Variants in NSD1 observed in about 807,000 individuals in gnomAD.
NSD1 encodes nuclear receptor binding SET domain protein 1, also known as histone-lysine N-methyltransferase, H3 lysine-36 specific.
Under a neutral mutation model 242.7 loss-of-function variants are expected in NSD1, and 26 were observed. The observed-to-expected ratio is 0.11, with a 90% confidence interval of 0.08 to 0.15. The LOEUF (loss-of-function observed/expected upper bound fraction) is 0.15, where lower values mean the gene tolerates loss of function less well. Among genes scored for constraint, NSD1 ranks in the 10% least tolerant of loss-of-function variants. The pLI is 1.00. For missense variants in NSD1, 2,495 were observed against 3,272.8 expected (o/e 0.76, Z 5.80); for synonymous variants, 1,106 against 1,178.1 (o/e 0.94, Z 1.25).
intron 2 of NSD1, among the ~76,000 whole-genome samples, chr5:177,163,357 G>A (rs1014848671): frequency 1.3e-5 from 2 of 151,828 alleles, no homozygotes; most frequent in East Asian, 3.9e-4. Context: ...TGGCCAGGCT[G>A]GTCTTGAACT....
At chr5:177,231,476 A>G (rs138691994) in intron 5 of NSD1, among the ~76,000 whole-genome samples, 1 of 152,298 alleles carries the variant, frequency 6.6e-6, no homozygotes, top group Non-Finnish European at 1.5e-5. Context: ...GATGGAGGCT[A>G]AAGTTCAGTG....
intron 12 of NSD1, among the ~76,000 whole-genome samples, chr5:177,253,776 G>C (rs1156352694): frequency 6.6e-6 from 1 of 152,078 alleles, no homozygotes; most frequent in Non-Finnish European, 1.5e-5. Flanking sequence ...GGGACTACAG[G>C]TGCTTGCCAC....
chr5:177,184,300 A>G (rs962912958), intron 2 of NSD1, among the ~76,000 whole-genome samples: 2 of 152,152 alleles, frequency 1.3e-5, no homozygotes, highest in Non-Finnish European at 2.9e-5. Context: ...TCTTTTGGAT[A>G]AAAGCCATTT....
chr5:177,186,711 G>T (rs1313684177), intron 2 of NSD1, among the ~76,000 whole-genome samples: 1 of 152,152 alleles, frequency 6.6e-6, no homozygotes, highest in Non-Finnish European at 1.5e-5. Flanking sequence ...AATATAAGGT[G>T]GCCGTGGTGG....
intron 2 of NSD1, among the ~76,000 whole-genome samples, chr5:177,162,037 C>G (rs568550147): frequency 6.6e-6 from 1 of 152,124 alleles, no homozygotes; most frequent in South Asian, 2.1e-4. Flanking sequence ...GTGGCTCACT[C>G]CTGTAATTTC....
At chr5:177,263,724 C>A (rs757963444) in intron 14 of NSD1, among the ~76,000 whole-genome samples, 1 of 152,052 alleles carries the variant, frequency 6.6e-6, no homozygotes, top group South Asian at 2.1e-4. Flanking sequence ...CATGGAACAC[C>A]GTTTTTAATT....
intron 2 of NSD1, among the ~76,000 whole-genome samples, chr5:177,188,463 G>A (rs1469155233): frequency 6.6e-6 from 1 of 152,156 alleles, no homozygotes; most frequent in African/African-American, 2.4e-5. Flanking sequence ...CAAGATAGAA[G>A]AAAGTAAATA....
intron 2 of NSD1, among the ~76,000 whole-genome samples, chr5:177,143,281 A>T (rs11956805): frequency 0.031 from 4,679 of 151,614 alleles, 86 homozygotes; most frequent in African/African-American, 0.048. Flanking sequence ...TCATGCATTA[A>T]TTTTTTTCTC....
chr5:177,175,587 C>CCA (rs1193650721), intron 2 of NSD1, among the ~76,000 whole-genome samples: 1 of 151,858 alleles, frequency 6.6e-6, no homozygotes, highest in Non-Finnish European at 1.5e-5. Flanking sequence ...TGTGATTAGG[C>CCA]CACAGCACAT....
intron 5 of NSD1, among the ~76,000 whole-genome samples, chr5:177,214,010 G>T (rs1325364737): frequency 6.6e-6 from 1 of 150,966 alleles, no homozygotes; most frequent in Non-Finnish European, 1.5e-5. Context: ...TGGCTCTGTT[G>T]CCCAGGCTAG....
At chr5:177,281,266 G>A (rs567640491) in intron 18 of NSD1, among the ~76,000 whole-genome samples, 45 of 151,714 alleles carry the variant, frequency 3.0e-4, no homozygotes, top group African/African-American at 1.1e-3. Flanking sequence ...TGAAAATGCA[G>A]TCATGTCTTC....
Position 177,135,587 on chromosome 5 carries a change from G to A in NSD1, c.484G>A (p.Ala162Thr), listed in dbSNP as rs2149756152. 6.2e-7 allele frequency: 1 copy of A among 1,614,228 alleles called. No individual in the cohort carries two copies. Among genetic ancestry groups the A allele is most frequent in the South Asian group, 1.1e-5 (1 of 91,084 alleles). Residue 162 changes from alanine (A) to threonine (T), a missense_variant, in exon 2 of 23, where the codon GCA (alanine) becomes ACA (threonine). Coordinates refer to ENST00000439151, the MANE Select transcript of NSD1 (RefSeq NM_022455.5). Reference sequence around the variant, plus strand: ...TGAGAATTTTACTTGTGTGGACGATGCAGATGTAGATTCTGAAATGGACCC... The same window carrying A: ...TGAGAATTTTACTTGTGTGGACGATACAGATGTAGATTCTGAAATGGACCC... ...HFENFTCVDD[A>T]DVDSEMDPEQ...
intron 3 of NSD1, among the ~76,000 whole-genome samples, chr5:177,196,052 T>C (rs17573383): frequency 2.5e-3 from 379 of 152,246 alleles, no homozygotes; most frequent in Non-Finnish European, 4.7e-3. Context: ...TCTTCATCAG[T>C]GGTGTTTGCT....
chr5:177,266,379 C>T (rs895619367), intron 14 of NSD1: 7 of 676,986 alleles, frequency 1.0e-5, no homozygotes, highest in Non-Finnish European at 1.9e-5. Context: ...TGGCGGCGAA[C>T]ATGCAGAGGA....
intron 2 of NSD1, among the ~76,000 whole-genome samples, chr5:177,178,042 G>C (rs1358560239): frequency 6.6e-6 from 1 of 152,012 alleles, no homozygotes; most frequent in African/African-American, 2.4e-5. Flanking sequence ...CTACAGGCAT[G>C]CGCTGCCACG....
At chr5:177,192,284 C>G (rs1761754249) in intron 3 of NSD1, among the ~76,000 whole-genome samples, 1 of 151,564 alleles carries the variant, frequency 6.6e-6, no homozygotes, top group South Asian at 2.1e-4. Flanking sequence ...AATCTCAGCT[C>G]ACTGCAACCT....
chr5:177,252,539 CTTTTT>C (rs70991600), intron 12 of NSD1, among the ~76,000 whole-genome samples: 1,454 of 47,376 alleles, frequency 0.031, 12 homozygotes, highest in South Asian at 0.077. Flanking sequence ...GTAAAGTGTT[CTTTTT>C]TTTTTTTTTT....
rs781498491 is a variant in NSD1, at chr5:177,210,874, C to T, written c.2475C>T (p.Ala825=). Reference sequence around the variant, plus strand: ...CTGATACCAAAGGCTCTCCTTTGGCCAGCATTTCTAAAAGTGGGAAAGTGG... The same window carrying T: ...CTGATACCAAAGGCTCTCCTTTGGCTAGCATTTCTAAAAGTGGGAAAGTGG... ...CSSDTKGSPL[A]SISKSGKVDG... is the part of the protein sequence containing the mutation. The change falls in exon 5 of 23, where the codon GCC becomes GCT. Residue 825 remains alanine (A), a synonymous_variant. Transcript: ENST00000439151. The T allele has an allele frequency of 1.7e-5, 28 of 1,614,004 alleles. 1 individual carries two copies. In the East Asian group the frequency reaches 5.3e-4, roughly 31 times the overall value.
At chr5:177,197,032 C>T (rs1278276694) in intron 3 of NSD1, among the ~76,000 whole-genome samples, 7 of 152,074 alleles carry the variant, frequency 4.6e-5, no homozygotes, top group African/African-American at 7.2e-5. Flanking sequence ...TTTGGGAATC[C>T]GAGGCGGGCG....
Sources: allele counts gnomAD v4.1 joint callset (sites outside exome capture counted in the v4.1 genomes callset), GRCh38; gene constraint gnomAD v4.1.1; transcripts MANE v1.5; gene names NCBI Gene and HGNC (gene_info 2026-07-23, HGNC 2026-07-21).